The following DLEC1 variants were observed in gnomAD, a reference collection of about 807,000 sequenced individuals.
The protein encoded by DLEC1 is DLEC1 cilia and flagella associated protein.
In DLEC1, 146 loss-of-function variants were observed where a neutral mutation model predicts 198.1. The observed-to-expected ratio is 0.74, with a 90% confidence interval of 0.64 to 0.85. The LOEUF (loss-of-function observed/expected upper bound fraction) is 0.85. Ranked by LOEUF, DLEC1 falls within the 40% of genes least tolerant of loss-of-function variation. DLEC1 has a pLI of 0.00. For missense variants in DLEC1, 2,233 were observed against 2,220.0 expected (o/e 1.01, Z -0.12); for synonymous variants, 897 against 866.8 (o/e 1.03, Z -0.61).
chr3:38,115,187 C>CG, intron 27 of DLEC1, 134 bp downstream of exon 27: 1 of 907,636 alleles, frequency 1.1e-6, no homozygotes, highest in Non-Finnish European at 1.7e-6. Context: ...CCTGTGGTTA[C>CG]GGAAGTGTGG....
intron 23 of DLEC1, 60 bp downstream of exon 23, chr3:38,110,341 G>A: frequency 6.3e-7 from 1 of 1,592,314 alleles, no homozygotes; most frequent in Non-Finnish European, 8.6e-7. Flanking sequence ...GTACCCTGTT[G>A]AGCCTCTGTG....
chr3:38,102,440 T>C (rs984287698), intron 19 of DLEC1, among the ~76,000 whole-genome samples: 2 of 152,226 alleles, frequency 1.3e-5, no homozygotes, highest in African/African-American at 4.8e-5. Context: ...TAATCTGTTA[T>C]AGTCTTATCA....
intron 6 of DLEC1, among the ~76,000 whole-genome samples, chr3:38,077,651 C>T (rs142149266): frequency 1.1e-3 from 172 of 152,276 alleles, no homozygotes; most frequent in African/African-American, 4.0e-3. Context: ...GGAATTATGT[C>T]TGACAGAAGG....
intron 15 of DLEC1, 31 bp from the exon 16 acceptor site, chr3:38,097,151 A>C (rs1355988002): frequency 6.5e-7 from 1 of 1,546,962 alleles, no homozygotes; most frequent in South Asian, 1.2e-5. Context: ...AGGGGCAGTA[A>C]ATGGGCAGCC....
At chr3:38,065,095 G>A (rs562609957) in intron 6 of DLEC1, among the ~76,000 whole-genome samples, 16 of 152,342 alleles carry the variant, frequency 1.1e-4, no homozygotes, top group South Asian at 2.1e-4. Context: ...CCGGCACCTC[G>A]GGAGGCTGAG....
intron 7 of DLEC1, among the ~76,000 whole-genome samples, chr3:38,084,621 T>TGGTGGTGGTAGTGGTGGTAGTAGTGGTA (rs1553617798): frequency 7.9e-6 from 1 of 126,390 alleles, no homozygotes; most frequent in Non-Finnish European, 1.7e-5. Flanking sequence ...GTAGCAGTAC[T>TGGTGGTGGTAGTGGTGGTAGTAGTGGTA]GCTACTACTT....
At position 38,074,248 on chromosome 3, in the gene DLEC1, C is replaced by G. The variant is rs543677517; in HGVS notation, c.1174-9910C>G. ...ACAGCAGAGGCAAGTAATTGTAACT[C>G]AGAAATGCGTTGCCATCTGGCTGCT... On this transcript the variant is annotated intron_variant, in intron 6 of 36. Coordinates refer to ENST00000308059, the MANE Select transcript of DLEC1 (RefSeq NM_007335.4). Among the ~76,000 whole-genome samples the G allele has an allele frequency of 2.6e-5, 4 of 152,308 alleles. No individual in the cohort carries two copies. In the South Asian group the frequency reaches 8.3e-4, roughly 32 times the overall value.
In DLEC1 at chr3:38,084,148, C is replaced by G. The variant is rs1304282315; in HGVS notation, c.1174-10C>G. Reference sequence around the variant, plus strand: ...TGCTGTCTAAAAGAGATCATCTTACCTTTCAACAGATGGTAATTGCGCTGC... The same window carrying G: ...TGCTGTCTAAAAGAGATCATCTTACGTTTCAACAGATGGTAATTGCGCTGC... On this transcript the variant is annotated splice_polypyrimidine_tract_variant and intron_variant, in intron 6 of 36. Coordinates refer to ENST00000308059, the MANE Select transcript of DLEC1 (RefSeq NM_007335.4). The G allele has an allele frequency of 6.2e-7, 1 of 1,612,028 alleles. No individual in the cohort carries two copies. The highest frequency in any genetic ancestry group is 1.7e-5 in the Admixed American group (1 of 59,962).
chr3:38,107,227 A>T (rs1282845794), intron 19 of DLEC1, among the ~76,000 whole-genome samples: 8 of 152,200 alleles, frequency 5.3e-5, no homozygotes, highest in Admixed American at 3.3e-4. Context: ...GAGGGGAAGT[A>T]ACCATTCTGA....
chr3:38,117,565 T>C lies in DLEC1; in HGVS notation c.4439T>C (p.Phe1480Ser). Reference sequence around the variant, plus strand: ...CTGGACTACGGCGGCAGTATGGAATTCCAGTGCCAGGCCAGTGACCTCATT... The same window carrying C: ...CTGGACTACGGCGGCAGTATGGAATCCCAGTGCCAGGCCAGTGACCTCATT... ...VELDYGGSME[F>S]QCQASDLIPE... is the part of the protein sequence containing the mutation. Residue 1480 changes from phenylalanine to serine, a missense_variant, in exon 32 of 37, where the codon TTC (phenylalanine) becomes TCC (serine). By Grantham distance (155) the Phe-to-Ser change is radical. Coordinates refer to ENST00000308059, the MANE Select transcript of DLEC1 (RefSeq NM_007335.4). 6.2e-7 allele frequency: 1 copy of C among 1,614,080 alleles called. No individual in the cohort carries two copies. Among genetic ancestry groups the C allele is most frequent in the Non-Finnish European group, 8.5e-7 (1 of 1,179,966 alleles).
chr3:38,084,317 AGTG>A (rs1698237877), intron 7 of DLEC1, 72 bp downstream of exon 7: 2 of 1,330,466 alleles, frequency 1.5e-6, no homozygotes, highest in Non-Finnish European at 2.1e-6. Context: ...TAATAGTAGT[AGTG>A]GTGGTAGTAA....
At chr3:38,092,007 A>G (rs1698767643) in intron 10 of DLEC1, among the ~76,000 whole-genome samples, 1 of 152,224 alleles carries the variant, frequency 6.6e-6, no homozygotes, top group African/African-American at 2.4e-5. Context: ...CTAGGTATAT[A>G]TACAAATGAA....
At chr3:38,107,868 T>G in intron 20 of DLEC1, 131 bp downstream of exon 20, 1 of 1,069,694 alleles carries the variant, frequency 9.3e-7, no homozygotes, top group African/African-American at 1.6e-5. Context: ...AGCCTGTCCC[T>G]TGCTCGTAGT....
chr3:38,045,740 G>A, intron 2 of DLEC1, 47 bp downstream of exon 2: 5 of 1,554,794 alleles, frequency 3.2e-6, no homozygotes, highest in Non-Finnish European at 3.5e-6. Flanking sequence ...CCGGGCTGTT[G>A]ATATTTCACT....
intron 33 of DLEC1, among the ~76,000 whole-genome samples, chr3:38,120,033 C>T (rs1451831738): frequency 6.6e-6 from 1 of 152,206 alleles, no homozygotes; most frequent in Non-Finnish European, 1.5e-5. Context: ...ACAGCCTCAG[C>T]CCCTGGTCTG....
intron 25 of DLEC1, among the ~76,000 whole-genome samples, chr3:38,114,110 T>TA (rs35524280): frequency 0.46 from 40,134 of 87,658 alleles, 8,391 homozygotes; most frequent in East Asian, 0.6. Flanking sequence ...CTGTGTCTAC[T>TA]AAAAAAAAAA....
chr3:38,092,724 G>T, intron 10 of DLEC1, 66 bp from the exon 11 acceptor site: 2 of 1,396,802 alleles, frequency 1.4e-6, no homozygotes, highest in Admixed American at 1.7e-5. Flanking sequence ...AGAGGAGGAG[G>T]GTGGGAGGCG....
In DLEC1 at chr3:38,084,193, C is replaced by G; in HGVS notation, c.1209C>G (p.Ser403Arg). 6.2e-7 allele frequency: 1 copy of G among 1,613,082 alleles called. No homozygotes were observed. Among genetic ancestry groups the G allele is most frequent in the Non-Finnish European group, 8.5e-7 (1 of 1,179,404 alleles). Residue 403 changes from serine (S) to arginine (R), a missense_variant, in exon 7 of 37, where the codon AGC becomes AGG. Ser to Arg is a moderately radical substitution (Grantham distance 110). Transcript: ENST00000308059. Reference sequence around the variant, plus strand: ...CGCTGCAGAACACCACCACGACCAGCCGCTACCTGCGAGTCCTCCCGCCTT... The same window carrying G: ...CGCTGCAGAACACCACCACGACCAGGCGCTACCTGCGAGTCCTCCCGCCTT... ...VIALQNTTTT[S>R]RYLRVLPPST...
Position 38,097,549 on chromosome 3 carries a change from G to T in DLEC1, c.2477G>T (p.Gly826Val). ...VGDFELNFTGGVPGPTSQDLL... is the reference protein window; with the variant it reads ...VGDFELNFTGVVPGPTSQDLL... ...GATTTTGAGTTGAACTTTACTGGGG[G>T]TGTCCCTGGCCCCACAAGCCAGGAC... The change falls in exon 17 of 37, where the codon GGT becomes GTT. Residue 826 changes from glycine to valine, a missense_variant. Gly to Val is a moderately radical substitution (Grantham distance 109). Coordinates refer to ENST00000308059, the MANE Select transcript of DLEC1 (RefSeq NM_007335.4). 8 of 1,614,164 alleles carry T rather than the reference G, an allele frequency of 5.0e-6. No homozygotes were observed. Among genetic ancestry groups the T allele is most frequent in the Non-Finnish European group, 6.8e-6 (8 of 1,180,022 alleles).
Sources: allele counts gnomAD v4.1 joint callset (sites outside exome capture counted in the v4.1 genomes callset), GRCh38; gene constraint gnomAD v4.1.1; transcripts MANE v1.5; gene names NCBI Gene and HGNC (gene_info 2026-07-23, HGNC 2026-07-21).